Variants in LIMA1 observed in about 807,000 individuals in gnomAD.
The protein encoded by LIMA1 is LIM domain and actin binding 1.
LIMA1 carries 52 observed loss-of-function variants against 62.6 expected under a neutral mutation model. The observed-to-expected ratio is 0.83, with a 90% CI of 0.67 to 1.05. LIMA1 has a LOEUF of 1.05. Ranked by LOEUF, LIMA1 falls within the 50% of genes least tolerant of loss-of-function variation. The probability of loss-of-function intolerance (pLI) is 0.00; values close to 1 mark genes in which losing one functional copy is unlikely to be tolerated. For missense variants in LIMA1, 780 were observed against 902.2 expected (o/e 0.86, Z 1.74); for synonymous variants, 302 against 317.8 (o/e 0.95, Z 0.53).
chr12:50,214,763 G>A (rs549078566), intron 4 of LIMA1, among the ~76,000 whole-genome samples: 1 of 152,312 alleles, frequency 6.6e-6, no homozygotes, highest in Admixed American at 6.5e-5. Context: ...CTGGGATTGT[G>A]CCACTGCACT....
In LIMA1 at chr12:50,209,119, G is replaced by A. The variant is rs143464310; in HGVS notation, c.631-3051C>T. ...ATTACAGGTGTGGGCCACTGCATCC[G>A]GCCTGATTGGGTCTATTTTTAATAA... On this transcript the variant is annotated intron_variant, in intron 4 of 10. Coordinates refer to ENST00000341247, the MANE Select transcript of LIMA1 (RefSeq NM_016357.5). Among the ~76,000 whole-genome samples, 1,027 of 150,572 alleles carry A rather than the reference G, an allele frequency of 6.8e-3. 7 individuals carry two copies. The highest frequency in any genetic ancestry group is 0.012 in the Non-Finnish European group (817 of 67,676).
chr12:50,229,561 G>T (rs2138580758), intron 3 of LIMA1, among the ~76,000 whole-genome samples: 1 of 152,236 alleles, frequency 6.6e-6, no homozygotes, highest in South Asian at 2.1e-4. Context: ...GGGAGAGCGG[G>T]GAGGGATAGC....
intron 1 of LIMA1, among the ~76,000 whole-genome samples, chr12:50,260,309 G>A (rs189521800): frequency 6.6e-5 from 10 of 152,058 alleles, no homozygotes; most frequent in African/African-American, 2.2e-4. Flanking sequence ...CACCATACCC[G>A]GCTAAGTTTT....
chr12:50,214,528 G>T (rs1487733129), intron 4 of LIMA1, among the ~76,000 whole-genome samples: 1 of 152,242 alleles, frequency 6.6e-6, no homozygotes, highest in Non-Finnish European at 1.5e-5. Context: ...ATGCAATTTG[G>T]CTGGGCGCAG....
At chr12:50,221,914 C>T (rs1220888915) in intron 4 of LIMA1, 107 bp downstream of exon 4, 3 of 862,626 alleles carry the variant, frequency 3.5e-6, no homozygotes. Flanking sequence ...AATCAAAAGA[C>T]ATACTGACCA....
chr12:50,210,466 C>T (rs1003436149), intron 4 of LIMA1, among the ~76,000 whole-genome samples: 1 of 145,070 alleles, frequency 6.9e-6, no homozygotes, highest in Middle Eastern at 3.7e-3. Flanking sequence ...CAAAAGGAAA[C>T]GGGTTCTGTG....
intron 2 of LIMA1, among the ~76,000 whole-genome samples, chr12:50,235,242 G>A (rs1174284185): frequency 6.9e-6 from 1 of 145,132 alleles, no homozygotes; most frequent in Non-Finnish European, 1.5e-5. Context: ...CCAAGAAAGA[G>A]TATTACATAA....
chr12:50,204,191 T>C (rs534224914), intron 6 of LIMA1, among the ~76,000 whole-genome samples: 1 of 152,310 alleles, frequency 6.6e-6, no homozygotes, highest in African/African-American at 2.4e-5. Flanking sequence ...AGCTCTTCAG[T>C]CTTCTTCCTT....
intron 9 of LIMA1, chr12:50,187,198 C>T (rs1445623017): frequency 6.6e-6 from 1 of 151,796 alleles, no homozygotes; most frequent in Non-Finnish European, 1.5e-5. Context: ...ATTCTTTTAC[C>T]CTCTTGTCTC....
At chr12:50,214,258 G>GAA (rs35628283) in intron 4 of LIMA1, among the ~76,000 whole-genome samples, 56,278 of 151,894 alleles carry the variant, frequency 0.37, 11,122 homozygotes, top group African/African-American at 0.5. Context: ...ATGTAAGAAA[G>GAA]TGCATTGATA....
chr12:50,228,874 T>C (rs1941569182), intron 3 of LIMA1, among the ~76,000 whole-genome samples: 1 of 152,220 alleles, frequency 6.6e-6, no homozygotes, highest in Non-Finnish European at 1.5e-5. Flanking sequence ...AAAAACATTG[T>C]TGCTATTCTT....
intron 1 of LIMA1, among the ~76,000 whole-genome samples, chr12:50,261,042 A>ATATATAT (rs1383547189): frequency 1.5e-4 from 8 of 54,290 alleles, no homozygotes; most frequent in Admixed American, 6.7e-4. Context: ...CATCTAGTAT[A>ATATATAT]TTTTTTTTTT....
intron 2 of LIMA1, among the ~76,000 whole-genome samples, chr12:50,247,381 G>A (rs1057349302): frequency 2.0e-5 from 3 of 151,666 alleles, no homozygotes; most frequent in African/African-American, 7.3e-5. Context: ...TGATTGCCCT[G>A]GGAACTGAGC....
Position 50,191,108 on chromosome 12 carries a change from CAAAAAAAAAAAA to C in LIMA1, c.1140+1332_1140+1343del, listed in dbSNP as rs745749669. ...TGGGTGACAAAGTGAGAACCTGTCT[CAAAAAAAAAAAA>C]AAAAAAAAAAGCTAACCACAGGTTA... On this transcript the variant is annotated intron_variant, in intron 9 of 10. Coordinates refer to ENST00000341247, the MANE Select transcript of LIMA1 (RefSeq NM_016357.5). Among the ~76,000 whole-genome samples the C allele has an allele frequency of 5.4e-4, 25 of 46,718 alleles. No homozygotes were observed. In the East Asian group the frequency reaches 0.016, roughly 30 times the overall value. 30.6% of individuals were successfully genotyped at this position (46,718 alleles called of 152,430 possible).
chr12:50,248,595 C>T (rs1217788100), intron 2 of LIMA1, 38 bp downstream of exon 2: 1 of 1,296,616 alleles, frequency 7.7e-7, no homozygotes, highest in South Asian at 1.2e-5. Context: ...ATGTGTGCTC[C>T]AGACAGATGG....
intron 1 of LIMA1, among the ~76,000 whole-genome samples, chr12:50,267,579 G>A (rs546815523): frequency 6.6e-6 from 1 of 151,280 alleles, no homozygotes; most frequent in East Asian, 2.0e-4. Flanking sequence ...GAGTGCAGTG[G>A]TGCAATTTTG....
intron 1 of LIMA1, among the ~76,000 whole-genome samples, chr12:50,268,533 C>T (rs1942166999): frequency 6.6e-6 from 1 of 152,136 alleles, no homozygotes; most frequent in Non-Finnish European, 1.5e-5. Flanking sequence ...ATGCCAGGTG[C>T]TTTACATGTT....
intron 10 of LIMA1, among the ~76,000 whole-genome samples, chr12:50,180,300 CG>C (rs1219561405): frequency 7.2e-6 from 1 of 138,212 alleles, no homozygotes; most frequent in Non-Finnish European, 1.6e-5. Flanking sequence ...ACTCCATCTC[CG>C]GAAAAAAAAA....
At chr12:50,231,549 G>T in intron 3 of LIMA1, 116 bp downstream of exon 3, 2 of 910,842 alleles carry the variant, frequency 2.2e-6, no homozygotes, top group Non-Finnish European at 3.6e-6. Flanking sequence ...CACACCAGCT[G>T]GCACAAATGT....
Sources: gnomAD v4.1 joint callset for allele counts (sites outside exome capture counted in the v4.1 genomes callset) on GRCh38, gnomAD v4.1.1 for gene constraint, MANE v1.5 for transcripts, NCBI Gene and HGNC (gene_info 2026-07-23, HGNC 2026-07-21) for gene names.